The following ST18 variants were observed in gnomAD, a reference collection of about 807,000 sequenced individuals.
The protein encoded by ST18 is suppression of tumorigenicity 18 protein.
In ST18, 50 loss-of-function variants were observed where a neutral mutation model predicts 110.0. The ratio of observed to expected loss-of-function variants is 0.45; its 90% CI spans 0.36 to 0.58. The LOEUF (loss-of-function observed/expected upper bound fraction) is 0.58. Ranked by LOEUF, ST18 falls within the 20% of genes least tolerant of loss-of-function variation. ST18 has a pLI of 0.00. For missense variants in ST18, 1,306 were observed against 1,280.1 expected (o/e 1.02, Z -0.31); for synonymous variants, 461 against 452.4 (o/e 1.02, Z -0.24).
intron 18 of ST18, 22 bp from the exon 19 acceptor site, chr8:52,136,680 AAC>A: frequency 1.3e-6 from 2 of 1,573,832 alleles, no homozygotes; most frequent in Non-Finnish European, 1.7e-6. Context: ...TGAGGAAAAA[AAC>A]ACAACACAAC....
intron 2 of ST18, among the ~76,000 whole-genome samples, chr8:52,310,496 A>G (rs978761326): frequency 2.0e-5 from 3 of 152,172 alleles, no homozygotes; most frequent in African/African-American, 7.2e-5. Context: ...TTATATCTAA[A>G]TTGCATGCAG....
intron 2 of ST18, among the ~76,000 whole-genome samples, chr8:52,336,863 G>A (rs1295377029): frequency 6.6e-6 from 1 of 152,204 alleles, no homozygotes; most frequent in African/African-American, 2.4e-5. Context: ...GCAGGTGGGG[G>A]TTGTAAGCCC....
intron 2 of ST18, among the ~76,000 whole-genome samples, chr8:52,322,325 C>G (rs996156561): frequency 3.3e-5 from 5 of 152,116 alleles, no homozygotes; most frequent in African/African-American, 1.2e-4. Context: ...TTCCCTTTAT[C>G]TACTTAAGCT....
At chr8:52,303,195 G>A (rs1387817552) in intron 2 of ST18, among the ~76,000 whole-genome samples, 1 of 152,198 alleles carries the variant, frequency 6.6e-6, no homozygotes, top group African/African-American at 2.4e-5. Flanking sequence ...GGTGTCAGCA[G>A]GACCATGCAC....
At chr8:52,219,319 A>G (rs957908661) in intron 5 of ST18, among the ~76,000 whole-genome samples, 1 of 152,140 alleles carries the variant, frequency 6.6e-6, no homozygotes, top group African/African-American at 2.4e-5. Flanking sequence ...TTATTTTTCT[A>G]GTTTTGTTTT....
At chr8:52,368,533 G>A (rs1332121865) in intron 2 of ST18, among the ~76,000 whole-genome samples, 1 of 152,126 alleles carries the variant, frequency 6.6e-6, no homozygotes, top group Non-Finnish European at 1.5e-5. Flanking sequence ...ATTAACTAAA[G>A]GACATCATGT....
chr8:52,305,181 A>G (rs1276063600), intron 2 of ST18, among the ~76,000 whole-genome samples: 3 of 152,240 alleles, frequency 2.0e-5, no homozygotes, highest in Non-Finnish European at 4.4e-5. Context: ...GGTAATGTCT[A>G]TATGATATGG....
At chr8:52,360,793 C>T (rs932355533) in intron 2 of ST18, among the ~76,000 whole-genome samples, 3 of 151,986 alleles carry the variant, frequency 2.0e-5, no homozygotes, top group African/African-American at 4.8e-5. Flanking sequence ...TATTTAATGC[C>T]CAGTAAGTTT....
chr8:52,154,565 T>C (rs961256181), intron 15 of ST18: 1 of 152,194 alleles, frequency 6.6e-6, no homozygotes, highest in African/African-American at 2.4e-5. Context: ...CGGAGGAAGA[T>C]GCTCAGGAGG....
Position 52,165,120 on chromosome 8 carries a change from T to A in ST18, c.1295+15A>T. 1 of 1,613,338 alleles carries A rather than the reference T, an allele frequency of 6.2e-7. No individual in the cohort carries two copies. The highest frequency in any genetic ancestry group is 1.7e-5 in the Admixed American group (1 of 60,024). On this transcript the variant is annotated intron_variant, in intron 12 of 25. Transcript: ENST00000689386. ...TTTTTTAAATGCAAAATGATTATCA[T>A]CTAATGAGAATTACCTCCTGTGGGT... is the stretch of plus-strand genomic sequence containing the variant.
At chr8:52,129,227 A>T (rs2048253016) in intron 22 of ST18, among the ~76,000 whole-genome samples, 1 of 152,046 alleles carries the variant, frequency 6.6e-6, no homozygotes, top group African/African-American at 2.4e-5. Context: ...GCACTTTGGG[A>T]GGCTGAGGCA....
At chr8:52,245,299 T>C (rs1331769212) in intron 2 of ST18, among the ~76,000 whole-genome samples, 1 of 152,154 alleles carries the variant, frequency 6.6e-6, no homozygotes, top group African/African-American at 2.4e-5. Context: ...GGAATGAAAA[T>C]ACTGTTTATT....
rs982868883 is a variant in ST18, at chr8:52,347,702, T to G, written c.-465+61626A>C. On this transcript the variant is annotated intron_variant, in intron 2 of 25. Coordinates refer to ENST00000689386, the MANE Select transcript of ST18 (RefSeq NM_001352837.2). ...CACTATTCTAGGAAGTTTTATGCATTAATTCCCACAACAACTCAAAGAGAA... is the reference window on the plus strand; with the variant it reads ...CACTATTCTAGGAAGTTTTATGCATGAATTCCCACAACAACTCAAAGAGAA... 2.6e-5 allele frequency among the ~76,000 whole-genome samples: 4 copies of G among 152,218 alleles called. No homozygotes were observed. The East Asian group carries it at 7.7e-4, about 29-fold the overall frequency.
chr8:52,134,965 T>C (rs958334250), intron 19 of ST18, among the ~76,000 whole-genome samples: 1 of 152,228 alleles, frequency 6.6e-6, no homozygotes. Flanking sequence ...ATTAGATAGC[T>C]GTATAAAAAT....
At chr8:52,198,135 T>C (rs961463278) in intron 8 of ST18, among the ~76,000 whole-genome samples, 1 of 152,024 alleles carries the variant, frequency 6.6e-6, no homozygotes, top group Non-Finnish European at 1.5e-5. Context: ...GCCTCCTGAG[T>C]AGCTGGGACT....
At chr8:52,283,661 G>A (rs1047630011) in intron 2 of ST18, among the ~76,000 whole-genome samples, 3 of 152,178 alleles carry the variant, frequency 2.0e-5, no homozygotes, top group South Asian at 2.1e-4. Context: ...TGGAAGTCGC[G>A]TGTTAAAGAC....
intron 8 of ST18, among the ~76,000 whole-genome samples, chr8:52,184,178 G>A (rs866103098): frequency 1.1e-3 from 170 of 152,152 alleles, no homozygotes; most frequent in African/African-American, 3.7e-3. Flanking sequence ...TCCCATCTGC[G>A]GAGCTCTGAA....
rs2095135025 is a variant in ST18 at position 52,273,256 on chromosome 8, G to T, written c.-464-43179C>A. On this transcript the variant is annotated intron_variant, in intron 2 of 25. Transcript: ENST00000689386. Reference sequence around the variant, plus strand: ...TCTAAGCTGGGAATCGTGGAGAGGGGAGGACAGGCTGAGCCCAAATTATAC... The same window carrying T: ...TCTAAGCTGGGAATCGTGGAGAGGGTAGGACAGGCTGAGCCCAAATTATAC... Among the ~76,000 whole-genome samples the T allele has an allele frequency of 1.3e-5, 2 of 152,156 alleles. 1 individual carries two copies. Among genetic ancestry groups the T allele is most frequent in the Admixed American group, 1.3e-4 (2 of 15,274 alleles).
At chr8:52,204,407 T>C (rs1215180917) in intron 8 of ST18, among the ~76,000 whole-genome samples, 1 of 152,178 alleles carries the variant, frequency 6.6e-6, no homozygotes, top group African/African-American at 2.4e-5. Flanking sequence ...TTATAAATCT[T>C]GTTAAAAGGC....
Sources: gnomAD v4.1 joint callset for allele counts (sites outside exome capture counted in the v4.1 genomes callset) on GRCh38, gnomAD v4.1.1 for gene constraint, MANE v1.5 for transcripts, NCBI Gene and HGNC (gene_info 2026-07-23, HGNC 2026-07-21) for gene names.